The following DOCK1 variants were observed in gnomAD, a reference collection of about 807,000 sequenced individuals.
DOCK1 encodes the protein dedicator of cytokinesis protein 1.
Under a neutral mutation model 262.7 loss-of-function variants are expected in DOCK1, and 138 were observed. That is an observed-to-expected ratio of 0.53 (90% CI 0.46 to 0.61). The LOEUF is 0.61. Among genes scored for constraint, DOCK1 ranks in the 20% least tolerant of loss-of-function variants. The probability of loss-of-function intolerance (pLI) is 0.00; values close to 1 mark genes in which losing one functional copy is unlikely to be tolerated. For synonymous variants in DOCK1, 866 were observed against 867.4 expected (o/e 1.00, Z 0.03); for missense variants, 1,908 against 2,370.7 (o/e 0.80, Z 4.05).
chr10:127,349,279 C>A (rs1436264347), intron 31 of DOCK1, among the ~76,000 whole-genome samples: 3 of 152,016 alleles, frequency 2.0e-5, no homozygotes, highest in Non-Finnish European at 2.9e-5. Flanking sequence ...CCTGGCTGCC[C>A]CCAAGCAGAT....
intron 1 of DOCK1, among the ~76,000 whole-genome samples, chr10:126,949,153 G>T (rs1453471183): frequency 1.3e-5 from 2 of 152,066 alleles, no homozygotes; most frequent in African/African-American, 4.8e-5. Flanking sequence ...CTCTGCACTT[G>T]TTTGCTGATC....
At chr10:127,160,646 G>C (rs1025538751) in intron 27 of DOCK1, among the ~76,000 whole-genome samples, 1 of 152,194 alleles carries the variant, frequency 6.6e-6, no homozygotes, top group Non-Finnish European at 1.5e-5. Context: ...ATTACATAGG[G>C]TATGGCAATT....
At chr10:127,079,862 C>T (rs994347277) in intron 23 of DOCK1, among the ~76,000 whole-genome samples, 3 of 152,084 alleles carry the variant, frequency 2.0e-5, no homozygotes, top group Non-Finnish European at 2.9e-5. Context: ...AGCTGGGAAG[C>T]GGAGGTTGCA....
chr10:127,197,328 T>C (rs948380438), intron 27 of DOCK1, among the ~76,000 whole-genome samples: 4 of 152,180 alleles, frequency 2.6e-5, no homozygotes, highest in African/African-American at 9.6e-5. Flanking sequence ...TAGAATTCTC[T>C]TGGGAGAGGA....
chr10:127,064,593 G>A (rs2045738108), intron 23 of DOCK1, among the ~76,000 whole-genome samples: 1 of 152,122 alleles, frequency 6.6e-6, no homozygotes, highest in Admixed American at 6.5e-5. Flanking sequence ...TGTGGATGCT[G>A]CCTGCCTTCA....
intron 1 of DOCK1, among the ~76,000 whole-genome samples, chr10:126,946,663 C>T (rs1019049998): frequency 6.6e-6 from 1 of 152,204 alleles, no homozygotes; most frequent in Non-Finnish European, 1.5e-5. Context: ...AACGGAATTG[C>T]ACAGTATTTG....
chr10:127,249,421 A>T (rs1336448932), intron 28 of DOCK1, among the ~76,000 whole-genome samples: 1 of 67,862 alleles, frequency 1.5e-5, no homozygotes, highest in Non-Finnish European at 2.8e-5. Flanking sequence ...ATATACATGT[A>T]CATATATATA....
chr10:127,390,567 G>C (rs75215119), intron 38 of DOCK1, among the ~76,000 whole-genome samples: 15 of 152,234 alleles, frequency 9.9e-5, no homozygotes, highest in African/African-American at 3.1e-4. Flanking sequence ...ACACAGGGAA[G>C]ACCATATTGA....
At chr10:127,316,685 GCTAA>G (rs1196502230) in intron 29 of DOCK1, among the ~76,000 whole-genome samples, 2 of 152,158 alleles carry the variant, frequency 1.3e-5, no homozygotes, top group Non-Finnish European at 2.9e-5. Context: ...CGGTTTACAG[GCTAA>G]CTGAGGGTGG....
At chr10:127,042,254 A>G (rs1019251754) in intron 19 of DOCK1, among the ~76,000 whole-genome samples, 3 of 152,008 alleles carry the variant, frequency 2.0e-5, no homozygotes, top group Non-Finnish European at 4.4e-5. Context: ...CTGCCCATTC[A>G]CTAGCTGAAG....
intron 33 of DOCK1, among the ~76,000 whole-genome samples, chr10:127,364,626 A>C (rs537321672): frequency 6.6e-6 from 1 of 152,296 alleles, no homozygotes; most frequent in Non-Finnish European, 1.5e-5. Context: ...AGCCTCCCAA[A>C]GTGCTGTGAT....
chr10:127,062,800 C>T lies in DOCK1; in HGVS notation c.2445+1024C>T, dbSNP rs369829050. On this transcript the variant is annotated intron_variant, in intron 23 of 51. Coordinates refer to ENST00000623213, the MANE Select transcript of DOCK1 (RefSeq NM_001290223.2). ...ACCTAATTTCTCAGGGTGTCCATGC[C>T]CTGGAAAGGGTGGTGAACCTTCATG... Among the ~76,000 whole-genome samples the T allele has an allele frequency of 6.6e-5, 10 of 152,292 alleles. No homozygotes were observed. In the East Asian group the frequency reaches 1.2e-3, roughly 18 times the overall value.
chr10:127,204,586 C>T (rs953663833), intron 27 of DOCK1, among the ~76,000 whole-genome samples: 2 of 152,050 alleles, frequency 1.3e-5, no homozygotes, highest in Non-Finnish European at 2.9e-5. Flanking sequence ...CGTGCCTGAC[C>T]GTTTTTTTAA....
At chr10:127,106,396 T>C in intron 24 of DOCK1, 95 bp downstream of exon 24, 16 of 1,291,428 alleles carry the variant, frequency 1.2e-5, no homozygotes, top group Non-Finnish European at 1.7e-5. Flanking sequence ...TTCTGCCTCA[T>C]GTCTCCATAT....
chr10:126,945,229 A>G (rs2035303050), intron 1 of DOCK1, among the ~76,000 whole-genome samples: 2 of 152,086 alleles, frequency 1.3e-5, no homozygotes, highest in Non-Finnish European at 2.9e-5. Context: ...CACGGGGGAC[A>G]GAGTCATTTC....
intron 27 of DOCK1, chr10:127,137,742 C>G (rs2050822742): frequency 1.6e-6 from 2 of 1,232,156 alleles, no homozygotes; most frequent in Admixed American, 2.4e-5. Context: ...TGAATGGGCA[C>G]CACAGTTCCC....
rs2067296649 is a variant in DOCK1 at position 127,402,753 on chromosome 10, C to T, written c.3928-302C>T. 3 of 562,396 alleles carry T rather than the reference C, an allele frequency of 5.3e-6. No homozygotes were observed. In the Admixed American group the frequency reaches 5.7e-5, roughly 11 times the overall value. 34.8% of individuals were successfully genotyped at this position (562,396 alleles called of 1,614,324 possible). A position where few individuals can be genotyped will look rare whatever the true frequency, so the allele number is the denominator to read the frequency against. ...CCGACAGACGGGCTTCGGGCCACAG[C>T]TGGCAGCAGGAGAGCAAAGACAGGA... On this transcript the variant is annotated intron_variant, in intron 38 of 51. Coordinates refer to ENST00000623213, the MANE Select transcript of DOCK1 (RefSeq NM_001290223.2).
In DOCK1 at chr10:127,396,754, C is replaced by CA. The variant is rs372642343; in HGVS notation, c.3928-6282dup. ...AAGAAAAAATGTCATATCTCTGTTACAAAAAAAAAAAAAAAAAAATCTTCA... is the reference window on the plus strand; with the variant it reads ...AAGAAAAAATGTCATATCTCTGTTACAAAAAAAAAAAAAAAAAAAATCTTCA... On this transcript the variant is annotated intron_variant, in intron 38 of 51. Transcript: ENST00000623213. Among the ~76,000 whole-genome samples the CA allele has an allele frequency of 8.8e-3, 1,185 of 134,158 alleles. 13 individuals carry two copies. Among genetic ancestry groups the CA allele is most frequent in the East Asian group, 0.031 (138 of 4,478 alleles). 88.0% of individuals were successfully genotyped at this position (134,158 alleles called of 152,430 possible).
intron 29 of DOCK1, among the ~76,000 whole-genome samples, chr10:127,284,214 T>C (rs1253740787): frequency 6.6e-6 from 1 of 152,198 alleles, no homozygotes; most frequent in Non-Finnish European, 1.5e-5. Flanking sequence ...CATAGTAACC[T>C]ATTTCATATT....
Sources: allele counts gnomAD v4.1 joint callset (sites outside exome capture counted in the v4.1 genomes callset), GRCh38; gene constraint gnomAD v4.1.1; transcripts MANE v1.5; gene names NCBI Gene and HGNC (gene_info 2026-07-23, HGNC 2026-07-21).